Variants in PRKRIP1 observed in about 807,000 individuals in gnomAD.
The protein encoded by PRKRIP1 is PRKR-interacting protein 1.
A neutral mutation model predicts 29.3 loss-of-function variants in PRKRIP1; 29 were observed. The observed-to-expected ratio is 0.99, with a 90% CI of 0.74 to 1.35. The LOEUF is 1.35. Among genes scored for constraint, PRKRIP1 ranks in the 40% most tolerant of loss-of-function variants. The pLI, the probability that PRKRIP1 is intolerant of heterozygous loss-of-function variation, is 0.00. For synonymous variants in PRKRIP1, 90 were observed against 85.1 expected (o/e 1.06, Z -0.32); for missense variants, 247 against 236.8 (o/e 1.04, Z -0.28).
chr7:102,423,183 C>T (rs1398435158), intron 5 of PRKRIP1: 4 of 445,766 alleles, frequency 9.0e-6, no homozygotes, highest in Admixed American at 2.4e-5. Flanking sequence ...GGCGCTATCT[C>T]GGCTCACTGC....
At chr7:102,416,706 G>T (rs1486122920) in intron 5 of PRKRIP1, among the ~76,000 whole-genome samples, 3 of 151,360 alleles carry the variant, frequency 2.0e-5, no homozygotes, top group African/African-American at 7.3e-5. Context: ...TGGAGACAGG[G>T]TCTCTCTCTG....
chr7:102,410,245 C>T (rs1218714889), intron 5 of PRKRIP1, among the ~76,000 whole-genome samples: 1 of 152,166 alleles, frequency 6.6e-6, no homozygotes, highest in Non-Finnish European at 1.5e-5. Flanking sequence ...GCTCTGGTGG[C>T]CCTCTAGAGT....
Position 102,397,706 on chromosome 7 carries a change from C to CTGTGTGTGTGTG in PRKRIP1, c.205+28_205+39dup. 1 of 1,330,014 alleles carries CTGTGTGTGTGTG rather than the reference C, an allele frequency of 7.5e-7. No individual in the cohort carries two copies. Among genetic ancestry groups the CTGTGTGTGTGTG allele is most frequent in the Non-Finnish European group, 1.0e-6 (1 of 956,914 alleles). The allele number at this position is 1,330,014 out of a possible 1,614,324, so 82.4% of individuals were successfully genotyped here. ...TTGTCCGAGATGTCATGGGTAATGG[C>CTGTGTGTGTGTG]TGTGTGTGTGTGTGTGTGTGTGTGT... On this transcript the variant is annotated intron_variant, in intron 2 of 5. Transcript: ENST00000397912.
chr7:102,411,310 C>CA (rs1481087206), intron 5 of PRKRIP1, among the ~76,000 whole-genome samples: 1 of 152,052 alleles, frequency 6.6e-6, no homozygotes, highest in Admixed American at 6.6e-5. Flanking sequence ...CTTGGCCTCT[C>CA]AAAGTGCTGG....
chr7:102,414,187 C>G lies in PRKRIP1; in HGVS notation c.457+6689C>G, dbSNP rs111851004. Among the ~76,000 whole-genome samples the G allele has an allele frequency of 2.4e-3, 359 of 152,102 alleles. 2 individuals carry two copies. Among genetic ancestry groups the G allele is most frequent in the African/African-American group, 8.1e-3 (334 of 41,468 alleles). ...GGTTGCAGTGAGCGAAGATGCGCCA[C>G]TGCACTCCAGCCTGGGTGGCTGAGT... On this transcript the variant is annotated intron_variant, in intron 5 of 5. Coordinates refer to ENST00000397912, the MANE Select transcript of PRKRIP1 (RefSeq NM_024653.4).
Position 102,414,644 on chromosome 7 carries a change from G to A in PRKRIP1, c.457+7146G>A, listed in dbSNP as rs573471951. ...TACACCTGTAATCTCAGCACTTTGG[G>A]AGGCCAAGGCAGGCGAATTCCTTGA... On this transcript the variant is annotated intron_variant, in intron 5 of 5. Coordinates refer to ENST00000397912, the MANE Select transcript of PRKRIP1 (RefSeq NM_024653.4). 5.9e-5 allele frequency among the ~76,000 whole-genome samples: 9 copies of A among 152,264 alleles called. No homozygotes were observed. In the East Asian group the frequency reaches 1.5e-3, roughly 26 times the overall value.
rs782421052 is a variant in PRKRIP1 at position 102,425,171 on chromosome 7, C to T, written c.*60C>T. 2.9e-5 allele frequency: 46 copies of T among 1,563,008 alleles called. No homozygotes were observed. In the African/African-American group the frequency reaches 5.9e-4, roughly 20 times the overall value. On this transcript the variant is annotated 3_prime_UTR_variant, in exon 6 of 6. Transcript: ENST00000397912. ...TCGTGCTGTGACCAGAAGGGAAAGG[C>T]GGCTGTTTGGCTCTTTCTCCCCCGC...
rs781892046 is a variant in PRKRIP1 at position 102,407,516 on chromosome 7, T to G, written c.457+18T>G. On this transcript the variant is annotated intron_variant, in intron 5 of 5. Coordinates refer to ENST00000397912, the MANE Select transcript of PRKRIP1 (RefSeq NM_024653.4). ...ACAAGAAGGTGAGTGGTGCCCACTT[T>G]TCTTGGCTGTAGCTTCTTTCTTCTT... 2 of 1,587,388 alleles carry G rather than the reference T, an allele frequency of 1.3e-6. No homozygotes were observed. Among genetic ancestry groups the G allele is most frequent in the Non-Finnish European group, 1.7e-6 (2 of 1,156,136 alleles).
At chr7:102,416,361 A>G (rs1245345119) in intron 5 of PRKRIP1, among the ~76,000 whole-genome samples, 2 of 152,192 alleles carry the variant, frequency 1.3e-5, no homozygotes, top group African/African-American at 2.4e-5. Context: ...ACATCGATAC[A>G]CTTGTTAGCT....
At chr7:102,403,360 G>A (rs1796123571) in intron 3 of PRKRIP1, among the ~76,000 whole-genome samples, 1 of 152,220 alleles carries the variant, frequency 6.6e-6, no homozygotes, top group Non-Finnish European at 1.5e-5. Context: ...CCCTGGCGGT[G>A]CAGACCAGCA....
intron 1 of PRKRIP1, 68 bp from the exon 2 acceptor site, chr7:102,397,552 A>G (rs1210279645): frequency 3.9e-6 from 5 of 1,286,794 alleles, no homozygotes; most frequent in Non-Finnish European, 4.5e-6. Context: ...TCTCTAAAAA[A>G]AGAGAGGGAG....
intron 5 of PRKRIP1, among the ~76,000 whole-genome samples, chr7:102,421,670 A>G (rs1796697132): frequency 6.6e-6 from 1 of 151,906 alleles, no homozygotes; most frequent in Non-Finnish European, 1.5e-5. Flanking sequence ...AGTGTCACAC[A>G]CCTGTAGTCC....
chr7:102,399,686 G>A, intron 3 of PRKRIP1, 38 bp downstream of exon 3: 4 of 1,496,952 alleles, frequency 2.7e-6, no homozygotes, highest in Non-Finnish European at 3.7e-6. Context: ...CCCCATGTTT[G>A]GGCAGTGTGC....
Position 102,399,956 on chromosome 7 carries a change from G to T in PRKRIP1, c.306+308G>T, listed in dbSNP as rs183780433. 6.2e-4 allele frequency among the ~76,000 whole-genome samples: 93 copies of T among 150,292 alleles called. No individual in the cohort carries two copies. The East Asian group carries it at 9.0e-3, about 14-fold the overall frequency. ...ATGGAGGTTGCAGTGAGCCAAGATC[G>T]TGCCATTGCACTCCAGCCTGGGCAA... is the stretch of plus-strand genomic sequence containing the variant. On this transcript the variant is annotated intron_variant, in intron 3 of 5. Coordinates refer to ENST00000397912, the MANE Select transcript of PRKRIP1 (RefSeq NM_024653.4).
At chr7:102,406,245 A>G (rs1254367317) in intron 4 of PRKRIP1, among the ~76,000 whole-genome samples, 1 of 152,180 alleles carries the variant, frequency 6.6e-6, no homozygotes, top group Non-Finnish European at 1.5e-5. Flanking sequence ...GGATCAGTCC[A>G]GCAGCTGACC....
chr7:102,404,202 G>T (rs1293799889), intron 3 of PRKRIP1, among the ~76,000 whole-genome samples: 1 of 152,130 alleles, frequency 6.6e-6, no homozygotes, highest in Non-Finnish European at 1.5e-5. Flanking sequence ...GGTAACTATG[G>T]TTGGGCTTAG....
chr7:102,412,321 G>A (rs1161015283), intron 5 of PRKRIP1, among the ~76,000 whole-genome samples: 1 of 151,672 alleles, frequency 6.6e-6, no homozygotes, highest in Admixed American at 6.6e-5. Flanking sequence ...TTGGTAGGTC[G>A]AGGTGGGAGG....
intron 1 of PRKRIP1, among the ~76,000 whole-genome samples, 158 bp downstream of exon 1, chr7:102,396,695 G>T (rs1363182657): frequency 1.3e-5 from 2 of 152,178 alleles, no homozygotes; most frequent in Non-Finnish European, 2.9e-5. Flanking sequence ...GGAGAAGGAG[G>T]CTGTCCCGGA....
intron 4 of PRKRIP1, among the ~76,000 whole-genome samples, 154 bp from the exon 5 acceptor site, chr7:102,407,280 A>G (rs1239477498): frequency 1.3e-5 from 2 of 152,058 alleles, no homozygotes; most frequent in African/African-American, 2.4e-5. Flanking sequence ...AAAAACGGCA[A>G]TTACTTTTGC....
Sources: gnomAD v4.1 joint callset for allele counts (sites outside exome capture counted in the v4.1 genomes callset) on GRCh38, gnomAD v4.1.1 for gene constraint, MANE v1.5 for transcripts, NCBI Gene and HGNC (gene_info 2026-07-23, HGNC 2026-07-21) for gene names.